The following RFPL4B variants were observed in gnomAD, a reference collection of about 807,000 sequenced individuals.
RFPL4B encodes ret finger protein-like 4B.
For missense variants in RFPL4B, 314 were observed against 327.7 expected (o/e 0.96, Z 0.32); for synonymous variants, 118 against 126.3 (o/e 0.93, Z 0.44).
At position 112,349,718 on chromosome 6, in the gene RFPL4B, C is replaced by A; in HGVS notation, c.10C>A (p.Arg4Ser). 1.2e-6 allele frequency: 2 copies of A among 1,613,218 alleles called. No individual in the cohort carries two copies. The change falls in exon 3 of 3, where the codon CGC (arginine) becomes AGC (serine). Residue 4 changes from arginine to serine, a missense_variant. Coordinates refer to ENST00000441065, the MANE Select transcript of RFPL4B (RefSeq NM_001013734.3). ...GTAACCCTTAAGAACCATGGCCAAA[C>A]GCCTGCAAGCAGAGTTGTCCTGTCC... MAKRLQAELSCPVC... is the reference protein window; with the variant it reads MAKSLQAELSCPVC...
In RFPL4B at chr6:112,350,107, C is replaced by T; in HGVS notation, c.399C>T (p.Ala133=). Residue 133 remains alanine (A), a synonymous_variant, in exon 3 of 3, where the codon GCC becomes GCT. Coordinates refer to ENST00000441065, the MANE Select transcript of RFPL4B (RefSeq NM_001013734.3). ...HHDLTKDPRL[A]CVLGTPCFSS... is the part of the protein sequence containing the mutation. Reference sequence around the variant, plus strand: ...ATCTGACAAAAGATCCCAGGCTGGCCTGTGTCCTGGGTACTCCCTGCTTCT... The same window carrying T: ...ATCTGACAAAAGATCCCAGGCTGGCTTGTGTCCTGGGTACTCCCTGCTTCT... 6.2e-7 allele frequency: 1 copy of T among 1,614,222 alleles called. No individual in the cohort carries two copies. Among genetic ancestry groups the T allele is most frequent in the South Asian group, 1.1e-5 (1 of 91,088 alleles).
rs780852100 is a variant in RFPL4B at position 112,349,880 on chromosome 6, G to T, written c.172G>T (p.Val58Leu). 3 of 1,614,118 alleles carry T rather than the reference G, an allele frequency of 1.9e-6. No individual in the cohort carries two copies. The highest frequency in any genetic ancestry group is 2.5e-6 in the Non-Finnish European group (3 of 1,179,998). Residue 58 changes from valine (V) to leucine (L), a missense_variant, in exon 3 of 3, where the codon GTA becomes TTA. By Grantham distance (32) the Val-to-Leu change is conservative. Transcript: ENST00000441065. ...MCPLCRDVVK[V>L]PALEEWQVSV... Reference sequence around the variant, plus strand: ...CCCCTTGTGTCGAGACGTGGTGAAGGTACCTGCTTTGGAAGAATGGCAAGT... The same window carrying T: ...CCCCTTGTGTCGAGACGTGGTGAAGTTACCTGCTTTGGAAGAATGGCAAGT...
chr6:112,348,538 A>T (rs1372513795), intron 1 of RFPL4B, among the ~76,000 whole-genome samples: 4 of 152,176 alleles, frequency 2.6e-5, no homozygotes, highest in Non-Finnish European at 4.4e-5. Context: ...GGTAATGTTG[A>T]TGCTGCTCCT....
In RFPL4B at chr6:112,350,682, T is replaced by C; in HGVS notation, c.*182T>C. On this transcript the variant is annotated 3_prime_UTR_variant, in exon 3 of 3. Transcript: ENST00000441065. ...GATTTTTGGGGTAAATTTTGTGGAATTTGTAGCTAGGTAACTGGGGTCTTT... is the reference window on the plus strand; with the variant it reads ...GATTTTTGGGGTAAATTTTGTGGAACTTGTAGCTAGGTAACTGGGGTCTTT... The C allele has an allele frequency of 1.8e-6, 1 of 561,888 alleles. No individual in the cohort carries two copies. The highest frequency in any genetic ancestry group is 3.2e-6 in the Non-Finnish European group (1 of 317,018). The allele number at this position is 561,888 out of a possible 1,614,324, so 34.8% of individuals were successfully genotyped here.
Position 112,350,418 on chromosome 6 carries a change from C to G in RFPL4B, c.710C>G (p.Ser237Cys), listed in dbSNP as rs1251412630. The G allele has an allele frequency of 5.0e-6, 8 of 1,613,622 alleles. No individual in the cohort carries two copies. In the East Asian group the frequency reaches 1.1e-4, roughly 22 times the overall value. ...VLIYTHDGFFSLELLCPFFCL... is the reference protein window; with the variant it reads ...VLIYTHDGFFCLELLCPFFCL... ...ATCTATACACATGATGGTTTCTTCT[C>G]TTTGGAGCTTTTGTGTCCATTCTTC... Residue 237 changes from serine to cysteine, a missense_variant, in exon 3 of 3, where the codon TCT (serine) becomes TGT (cysteine). Physicochemically the swap from Ser to Cys is moderately radical, Grantham distance 112. Transcript: ENST00000441065.
Position 112,350,285 on chromosome 6 carries a change from A to G in RFPL4B, c.577A>G (p.Thr193Ala). The change falls in exon 3 of 3, where the codon ACC becomes GCC. Residue 193 changes from threonine (T) to alanine (A), a missense_variant. Physicochemically the swap from Thr to Ala is moderately conservative, Grantham distance 58 (BLOSUM62 0). Transcript: ENST00000441065. ...SMKAGAIHAN[T>A]HLERIPASPR... ...GAAGGCAGGAGCAATCCATGCTAAC[A>G]CCCACCTGGAGAGAATTCCTGCAAG... 6.2e-7 allele frequency: 1 copy of G among 1,614,176 alleles called. No individual in the cohort carries two copies.
chr6:112,348,650 TGGA>T (rs1789112691), intron 1 of RFPL4B, among the ~76,000 whole-genome samples: 1 of 152,202 alleles, frequency 6.6e-6, no homozygotes, highest in Admixed American at 6.5e-5. Flanking sequence ...AGGCTCTTAT[TGGA>T]GAACAGTCCT....
Position 112,349,994 on chromosome 6 carries a change from G to C in RFPL4B, c.286G>C (p.Asp96His), listed in dbSNP as rs150983700. The change falls in exon 3 of 3, where the codon GAT becomes CAT. Residue 96 changes from aspartate (D) to histidine (H), a missense_variant. Coordinates refer to ENST00000441065, the MANE Select transcript of RFPL4B (RefSeq NM_001013734.3). ...GGAGGAGCTCCGGCATTTTCGGGAG[G>C]ATGTGACCCTGGATGCAGCCACTGC... ...VREELRHFRE[D>H]VTLDAATASS... 622 of 1,614,210 alleles carry C rather than the reference G, an allele frequency of 3.9e-4. 3 individuals are homozygous for C. Among genetic ancestry groups the C allele is most frequent in the Non-Finnish European group, 2.5e-4 (290 of 1,180,038 alleles).
Position 112,349,862 on chromosome 6 carries a change from T to G in RFPL4B, c.154T>G (p.Cys52Gly). ...TGATTTTAGAGCGATGTGCCCCTTG[T>G]GTCGAGACGTGGTGAAGGTACCTGC... The part of the protein sequence containing the change: ...NHDFRAMCPL[C>G]RDVVKVPALE... The change falls in exon 3 of 3, where the codon TGT becomes GGT. Residue 52 changes from cysteine to glycine, a missense_variant. Cys to Gly is a radical substitution (Grantham distance 159). Transcript: ENST00000441065. 6.2e-7 allele frequency: 1 copy of G among 1,614,200 alleles called. No individual in the cohort carries two copies. The highest frequency in any genetic ancestry group is 8.5e-7 in the Non-Finnish European group (1 of 1,180,024).
Position 112,350,728 on chromosome 6 carries a change from T to C in RFPL4B, c.*228T>C. The C allele has an allele frequency of 2.2e-6, 1 of 458,106 alleles. No homozygotes were observed. Among genetic ancestry groups the C allele is most frequent in the Non-Finnish European group, 4.0e-6 (1 of 252,030 alleles). 28.4% of individuals were successfully genotyped at this position (458,106 alleles called of 1,614,324 possible). A position where few individuals can be genotyped will look rare whatever the true frequency, so the allele number is the denominator to read the frequency against. ...TCTTTAGGGATGTTATTAAGTACTG[T>C]AAGCTTCAGTTTTCTAGTCTGTAGA... is the stretch of plus-strand genomic sequence containing the variant. On this transcript the variant is annotated 3_prime_UTR_variant, in exon 3 of 3. Transcript: ENST00000441065.
rs771482358 is a variant in RFPL4B, at chr6:112,350,206, G to A, written c.498G>A (p.Pro166=). Residue 166 remains proline (P), a synonymous_variant, in exon 3 of 3, where the codon CCG becomes CCA. Transcript: ENST00000441065. The stretch of plus-strand genomic sequence containing the variant: ...GGTCCCTGGGCGTCTGCAAGGAGCC[G>A]GCTGACAGAAAGAGCAATGATTTAT... ...KSWSLGVCKE[P]ADRKSNDLFP... The A allele has an allele frequency of 5.6e-6, 9 of 1,614,074 alleles. No individual in the cohort carries two copies. The highest frequency in any genetic ancestry group is 2.2e-5 in the South Asian group (2 of 91,084).
In RFPL4B at chr6:112,349,944, G is replaced by A. The variant is rs1307976892; in HGVS notation, c.236G>A (p.Arg79Gln). 7 of 1,614,054 alleles carry A rather than the reference G, an allele frequency of 4.3e-6. No individual in the cohort carries two copies. Among genetic ancestry groups the A allele is most frequent in the South Asian group, 1.1e-5 (1 of 91,080 alleles). The change falls in exon 3 of 3, where the codon CGA becomes CAA. Residue 79 changes from arginine to glutamine, a missense_variant. Transcript: ENST00000441065. Reference protein sequence around the residue: ...LTLMTKQHNSRLEQSLHVREE... With the variant: ...LTLMTKQHNSQLEQSLHVREE... ...CTTATGACCAAGCAGCACAATAGCC[G>A]ACTTGAGCAAAGTCTGCACGTGAGG...
At position 112,350,006 on chromosome 6, in the gene RFPL4B, G is replaced by C. The variant is rs1438680611; in HGVS notation, c.298G>C (p.Asp100His). The C allele has an allele frequency of 1.2e-5, 19 of 1,614,204 alleles. No homozygotes were observed. The highest frequency in any genetic ancestry group is 1.6e-5 in the Non-Finnish European group (19 of 1,180,040). Residue 100 changes from aspartate to histidine, a missense_variant, in exon 3 of 3, where the codon GAT becomes CAT. Physicochemically the swap from Asp to His is moderately conservative, Grantham distance 81. Coordinates refer to ENST00000441065, the MANE Select transcript of RFPL4B (RefSeq NM_001013734.3). ...LRHFREDVTL[D>H]AATASSLLVF... ...GCATTTTCGGGAGGATGTGACCCTGGATGCAGCCACTGCCAGCTCCCTCCT... is the reference window on the plus strand; with the variant it reads ...GCATTTTCGGGAGGATGTGACCCTGCATGCAGCCACTGCCAGCTCCCTCCT...
intron 1 of RFPL4B, among the ~76,000 whole-genome samples, chr6:112,348,949 A>G (rs1789116157): frequency 6.6e-6 from 1 of 152,182 alleles, no homozygotes; most frequent in Non-Finnish European, 1.5e-5. Context: ...ACATTAATTC[A>G]AGCCTTAATT....
rs770217543 is a variant in RFPL4B at position 112,350,002 on chromosome 6, C to T, written c.294C>T (p.Thr98=). The change falls in exon 3 of 3, where the codon ACC becomes ACT. Residue 98 remains threonine, a synonymous_variant. Transcript: ENST00000441065. ...EELRHFREDV[T]LDAATASSLL... ...TCCGGCATTTTCGGGAGGATGTGAC[C>T]CTGGATGCAGCCACTGCCAGCTCCC... 14 of 1,613,984 alleles carry T rather than the reference C, an allele frequency of 8.7e-6. No homozygotes were observed. In the Admixed American group the frequency reaches 1.3e-4, roughly 15 times the overall value.
At chr6:112,348,929 A>ATT (rs1377129746) in intron 1 of RFPL4B, among the ~76,000 whole-genome samples, 2 of 152,156 alleles carry the variant, frequency 1.3e-5, no homozygotes, top group Non-Finnish European at 1.5e-5. Context: ...TGACTATTAT[A>ATT]TTTTTATTCA....
At position 112,350,635 on chromosome 6, in the gene RFPL4B, C is replaced by T. The variant is rs549055286; in HGVS notation, c.*135C>T. ...AAATTTTTAAAGTAGATTTTGTAGA[C>T]TTTGTAGCAAAACAATTTTCGGATT... On this transcript the variant is annotated 3_prime_UTR_variant, in exon 3 of 3. Transcript: ENST00000441065. 88 of 716,834 alleles carry T rather than the reference C, an allele frequency of 1.2e-4. No individual in the cohort carries two copies. The highest frequency in any genetic ancestry group is 1.8e-4 in the Non-Finnish European group (84 of 458,834). 44.4% of individuals were successfully genotyped at this position (716,834 alleles called of 1,614,324 possible). A position where few individuals can be genotyped will look rare whatever the true frequency, so the allele number is the denominator to read the frequency against.
intron 1 of RFPL4B, among the ~76,000 whole-genome samples, chr6:112,348,100 G>A (rs1263143909): frequency 1.3e-5 from 2 of 152,174 alleles, no homozygotes; most frequent in Non-Finnish European, 2.9e-5. Flanking sequence ...TGATCATTTG[G>A]GATGGTAGTT....
rs1187987316 is a variant in RFPL4B, at chr6:112,351,285, A to G, written c.*785A>G. 2 of 164,386 alleles carry G rather than the reference A, an allele frequency of 1.2e-5. No individual in the cohort carries two copies. The highest frequency in any genetic ancestry group is 2.9e-5 in the Non-Finnish European group (2 of 68,114). 10.2% of individuals were successfully genotyped at this position (164,386 alleles called of 1,614,324 possible). On this transcript the variant is annotated 3_prime_UTR_variant, in exon 3 of 3. Transcript: ENST00000441065. ...AATTTATTTTCTTGCAAATAAATTT[A>G]TAAAGCATTGGATGTGTTCATGTTT...
Sources: gnomAD v4.1 joint callset for allele counts (sites outside exome capture counted in the v4.1 genomes callset) on GRCh38, gnomAD v4.1.1 for gene constraint, MANE v1.5 for transcripts, NCBI Gene and HGNC (gene_info 2026-07-23, HGNC 2026-07-21) for gene names.